The following RASA1 variants were observed in gnomAD, a reference collection of about 807,000 sequenced individuals.
RASA1 encodes the protein ras GTPase-activating protein 1.
A neutral mutation model predicts 132.2 loss-of-function variants in RASA1; 25 were observed. The ratio of observed to expected loss-of-function variants is 0.19; its 90% CI spans 0.14 to 0.26. RASA1 has a LOEUF of 0.26. Ranked by LOEUF, RASA1 falls within the 10% of genes least tolerant of loss-of-function variation. The pLI is 1.00. For synonymous variants in RASA1, 477 were observed against 449.9 expected (o/e 1.06, Z -0.76); for missense variants, 964 against 1,299.2 (o/e 0.74, Z 3.97).
At chr5:87,274,291 C>T (rs1052519965) in intron 1 of RASA1, among the ~76,000 whole-genome samples, 2 of 152,050 alleles carry the variant, frequency 1.3e-5, no homozygotes, top group African/African-American at 4.8e-5. Flanking sequence ...TAAATAGTAC[C>T]TTTCTTTTTT....
intron 1 of RASA1, among the ~76,000 whole-genome samples, chr5:87,270,472 C>G (rs1317005169): frequency 2.7e-5 from 4 of 150,098 alleles, no homozygotes; most frequent in Non-Finnish European, 5.9e-5. Flanking sequence ...TTCAGCCTCT[C>G]TAGTAGCTGG....
chr5:87,389,439 T>C lies in RASA1; in HGVS notation c.2972T>C (p.Leu991Pro), dbSNP rs982076955. 1.9e-6 allele frequency: 3 copies of C among 1,614,082 alleles called. No individual in the cohort carries two copies. The highest frequency in any genetic ancestry group is 1.3e-5 in the African/African-American group (1 of 74,956). The change falls in exon 24 of 25, where the codon CTG becomes CCG. Residue 991 changes from leucine (L) to proline (P), a missense_variant. Leu to Pro is a moderately conservative substitution (Grantham distance 98, BLOSUM62 -3). Transcript: ENST00000274376. ...ACTACAGAGCATTCTAGAACGGACC[T>C]GTCCCGTGATTTAGCAGCATTGCAT... ...PDTTEHSRTDLSRDLAALHEI... is the reference protein window; with the variant it reads ...PDTTEHSRTDPSRDLAALHEI...
chr5:87,269,970 A>C (rs1260927846), intron 1 of RASA1, among the ~76,000 whole-genome samples: 1 of 152,082 alleles, frequency 6.6e-6, no homozygotes, highest in African/African-American at 2.4e-5. Context: ...GGCCGGGCGC[A>C]GTGGCTCACA....
chr5:87,352,526 A>G (rs531971125), intron 8 of RASA1, among the ~76,000 whole-genome samples: 1 of 151,974 alleles, frequency 6.6e-6, no homozygotes, highest in Admixed American at 6.6e-5. Flanking sequence ...ACTAAAATTT[A>G]TATTAAAATA....
chr5:87,274,443 T>G (rs1370870697), intron 1 of RASA1, among the ~76,000 whole-genome samples: 1 of 152,202 alleles, frequency 6.6e-6, no homozygotes, highest in Non-Finnish European at 1.5e-5. Context: ...CATTGTTTCT[T>G]AATAAAAATG....
intron 1 of RASA1, among the ~76,000 whole-genome samples, chr5:87,310,824 A>T (rs1755845583): frequency 6.6e-6 from 1 of 152,204 alleles, no homozygotes; most frequent in Admixed American, 6.5e-5. Flanking sequence ...ATGCCTTAGT[A>T]TAAATTAATG....
At chr5:87,291,726 A>G (rs1183884961) in intron 1 of RASA1, among the ~76,000 whole-genome samples, 1 of 152,116 alleles carries the variant, frequency 6.6e-6, no homozygotes, top group Non-Finnish European at 1.5e-5. Flanking sequence ...CTCTGCTTTC[A>G]CCAAACATCA....
intron 9 of RASA1, among the ~76,000 whole-genome samples, chr5:87,360,389 A>ATC (rs1759994552): frequency 6.6e-6 from 1 of 152,126 alleles, no homozygotes; most frequent in Non-Finnish European, 1.5e-5. Flanking sequence ...CTCCTAAAGT[A>ATC]CTGGGATTAA....
chr5:87,309,935 A>G (rs368452992), intron 1 of RASA1, among the ~76,000 whole-genome samples: 19 of 152,214 alleles, frequency 1.2e-4, no homozygotes, highest in Admixed American at 5.2e-4. Flanking sequence ...TTAAATTTTT[A>G]TATGTGATAA....
At chr5:87,376,230 C>A in intron 15 of RASA1, 163 bp from the exon 16 acceptor site, 1 of 776,244 alleles carries the variant, frequency 1.3e-6, no homozygotes. Context: ...CGTAGACACT[C>A]AGTAAATAAA....
intron 1 of RASA1, among the ~76,000 whole-genome samples, chr5:87,298,865 C>G (rs1439938250): frequency 6.6e-6 from 1 of 152,158 alleles, no homozygotes; most frequent in Non-Finnish European, 1.5e-5. Context: ...GTTTTATAAG[C>G]ATGGCATAAC....
At chr5:87,278,947 AAAG>A (rs1754192591) in intron 1 of RASA1, among the ~76,000 whole-genome samples, 1 of 94,058 alleles carries the variant, frequency 1.1e-5, no homozygotes, top group Non-Finnish European at 1.9e-5. Context: ...GTGGTCATTT[AAAG>A]AAGATTATGC....
chr5:87,298,939 G>C (rs1043648232), intron 1 of RASA1, among the ~76,000 whole-genome samples: 3 of 152,186 alleles, frequency 2.0e-5, no homozygotes, highest in Non-Finnish European at 4.4e-5. Context: ...CTTTTTGACA[G>C]TTAAATAATT....
At chr5:87,273,592 A>G (rs1753940341) in intron 1 of RASA1, among the ~76,000 whole-genome samples, 1 of 152,122 alleles carries the variant, frequency 6.6e-6, no homozygotes, top group African/African-American at 2.4e-5. Context: ...GCAAGTGGCC[A>G]TTGGTGAGAA....
At chr5:87,287,285 CAT>C (rs1190648536) in intron 1 of RASA1, among the ~76,000 whole-genome samples, 2 of 142,146 alleles carry the variant, frequency 1.4e-5, no homozygotes, top group South Asian at 2.2e-4. Flanking sequence ...ATATACACAC[CAT>C]ATATATACAC....
intron 1 of RASA1, among the ~76,000 whole-genome samples, chr5:87,329,624 ACTAC>A (rs1166739971): frequency 6.6e-6 from 1 of 152,188 alleles, no homozygotes; most frequent in Non-Finnish European, 1.5e-5. Flanking sequence ...TCATCTTGAC[ACTAC>A]CTAAGACATA....
intron 1 of RASA1, among the ~76,000 whole-genome samples, chr5:87,292,005 A>G (rs74525410): frequency 0.016 from 2,486 of 152,252 alleles, 57 homozygotes; most frequent in African/African-American, 0.056. Flanking sequence ...TCTTTTGCCC[A>G]TTTTAAAATC....
chr5:87,331,291 C>T, intron 1 of RASA1, 57 bp from the exon 2 acceptor site: 1 of 1,498,634 alleles, frequency 6.7e-7, no homozygotes, highest in Non-Finnish European at 9.3e-7. Context: ...TTCAAGTGTC[C>T]ATAGAAATTC....
At chr5:87,387,980 C>T (rs1044542382) in intron 23 of RASA1, among the ~76,000 whole-genome samples, 1 of 152,146 alleles carries the variant, frequency 6.6e-6, no homozygotes, top group Non-Finnish European at 1.5e-5. Flanking sequence ...CATATTTCTT[C>T]ACCACCTGTA....
Sources: gnomAD v4.1 joint callset for allele counts (sites outside exome capture counted in the v4.1 genomes callset) on GRCh38, gnomAD v4.1.1 for gene constraint, MANE v1.5 for transcripts, NCBI Gene and HGNC (gene_info 2026-07-23, HGNC 2026-07-21) for gene names.